The following GMEB1 variants were observed in gnomAD, a reference collection of about 807,000 sequenced individuals.
GMEB1 encodes the protein glucocorticoid modulatory element-binding protein 1.
A neutral mutation model predicts 52.4 loss-of-function variants in GMEB1; 6 were observed. The observed-to-expected ratio is 0.11, with a 90% CI of 0.06 to 0.23. The LOEUF (loss-of-function observed/expected upper bound fraction) is 0.23, where lower values mean the gene tolerates loss of function less well. Among genes scored for constraint, GMEB1 ranks in the 10% least tolerant of loss-of-function variants. The pLI, the probability that GMEB1 is intolerant of heterozygous loss-of-function variation, is 1.00. For synonymous variants in GMEB1, 255 were observed against 244.9 expected, an observed-to-expected ratio of 1.04 and a Z score of -0.38; for missense variants, 486 against 685.6, an observed-to-expected ratio of 0.71 and a Z score of 3.25.
chr1:28,713,160 A>AG (rs1408018517), intron 9 of GMEB1, among the ~76,000 whole-genome samples: 2 of 150,802 alleles, frequency 1.3e-5, no homozygotes, highest in Non-Finnish European at 3.0e-5. Flanking sequence ...TCCATCTCAA[A>AG]AAAAAAAAAA....
At chr1:28,677,191 A>C (rs1368870518) in intron 1 of GMEB1, among the ~76,000 whole-genome samples, 3 of 152,220 alleles carry the variant, frequency 2.0e-5, no homozygotes, top group Non-Finnish European at 4.4e-5. Flanking sequence ...TTAAAAAAAA[A>C]AATCTGAAAT....
intron 5 of GMEB1, 62 bp from the exon 6 acceptor site, chr1:28,696,865 G>T: frequency 7.8e-7 from 1 of 1,284,844 alleles, no homozygotes; most frequent in South Asian, 1.5e-5. Flanking sequence ...TTTTCCCTGA[G>T]GCCTAGTTCC....
At chr1:28,672,000 C>T (rs1056846168) in intron 1 of GMEB1, among the ~76,000 whole-genome samples, 34 of 150,342 alleles carry the variant, frequency 2.3e-4, no homozygotes, top group African/African-American at 8.3e-4. Flanking sequence ...TGCTTGTAAT[C>T]CCAGCTCCTT....
At chr1:28,712,270 C>T (rs1041634650) in intron 9 of GMEB1, among the ~76,000 whole-genome samples, 3 of 152,158 alleles carry the variant, frequency 2.0e-5, no homozygotes, top group Non-Finnish European at 4.4e-5. Flanking sequence ...GTAGTCACGC[C>T]ACTCTCAGGA....
chr1:28,709,576 A>G (rs964587045), intron 8 of GMEB1, among the ~76,000 whole-genome samples: 4 of 151,640 alleles, frequency 2.6e-5, no homozygotes, highest in East Asian at 1.9e-4. Context: ...AAGATATTAA[A>G]AAAAAAAAAT....
At chr1:28,696,044 GTTTGTTTATTTATTTA>G (rs1047672918) in intron 5 of GMEB1, among the ~76,000 whole-genome samples, 7 of 54,674 alleles carry the variant, frequency 1.3e-4, no homozygotes, top group African/African-American at 3.4e-4. Flanking sequence ...TATTTTTATT[GTTTGTTTATTTATTTA>G]TTTATTTATT....
intron 1 of GMEB1, among the ~76,000 whole-genome samples, chr1:28,682,976 G>A (rs1003321742): frequency 6.6e-6 from 1 of 152,180 alleles, no homozygotes; most frequent in Non-Finnish European, 1.5e-5. Flanking sequence ...TAAACTCGAA[G>A]TTGGAAGAGA....
At chr1:28,675,018 C>CTTT (rs1439790151) in intron 1 of GMEB1, among the ~76,000 whole-genome samples, 5 of 81,480 alleles carry the variant, frequency 6.1e-5, no homozygotes, top group Non-Finnish European at 1.2e-4. Context: ...CGCGCCCGGC[C>CTTT]TTTTTTTTTT....
intron 8 of GMEB1, among the ~76,000 whole-genome samples, chr1:28,707,140 G>A (rs1182093234): frequency 6.6e-6 from 1 of 151,150 alleles, no homozygotes; most frequent in South Asian, 2.1e-4. Context: ...CCACCACCAC[G>A]GCCAGCTAAT....
intron 1 of GMEB1, among the ~76,000 whole-genome samples, chr1:28,679,612 T>G (rs1047270685): frequency 2.0e-4 from 30 of 152,150 alleles, no homozygotes; most frequent in African/African-American, 7.0e-4. Flanking sequence ...GAGCAGGTAT[T>G]GTTGCTCCTC....
chr1:28,709,709 C>G (rs1670956333), intron 8 of GMEB1, among the ~76,000 whole-genome samples: 1 of 152,062 alleles, frequency 6.6e-6, no homozygotes, highest in Non-Finnish European at 1.5e-5. Context: ...TCCCATGTAG[C>G]TGGGATTACA....
chr1:28,672,103 A>C, intron 1 of GMEB1, among the ~76,000 whole-genome samples: 1 of 149,836 alleles, frequency 6.7e-6, no homozygotes, highest in African/African-American at 2.5e-5. Flanking sequence ...CAAGAGAGAA[A>C]CTCCGTCTCA....
Position 28,691,699 on chromosome 1 carries a change from A to G in GMEB1, c.326A>G (p.Lys109Arg), listed in dbSNP as rs1407170555. The change falls in exon 4 of 10, where the codon AAG becomes AGG. Residue 109 changes from lysine to arginine, a missense_variant. By Grantham distance (26) the Lys-to-Arg change is conservative. Coordinates refer to ENST00000373816, the MANE Select transcript of GMEB1 (RefSeq NM_001319674.2). ...TTTGTATGTCCAGGAATAAACGTGA[A>G]GTGTGTCAAGGTAATTGTCTTTTCC... ...KKFVCPGINV[K>R]CVKFNDQLIS... The G allele has an allele frequency of 6.5e-7, 1 of 1,545,390 alleles. No homozygotes were observed. The highest frequency in any genetic ancestry group is 8.8e-7 in the Non-Finnish European group (1 of 1,136,908).
At chr1:28,692,047 G>T (rs1480215555) in intron 4 of GMEB1, among the ~76,000 whole-genome samples, 2 of 146,596 alleles carry the variant, frequency 1.4e-5, no homozygotes, top group Non-Finnish European at 3.0e-5. Flanking sequence ...GTGACTTTCT[G>T]TTGCCCAGGC....
chr1:28,679,340 G>A (rs561905659), intron 1 of GMEB1, among the ~76,000 whole-genome samples: 2 of 152,166 alleles, frequency 1.3e-5, no homozygotes, highest in East Asian at 3.9e-4. Context: ...AACACACTTT[G>A]CTAATACTTA....
intron 1 of GMEB1, among the ~76,000 whole-genome samples, chr1:28,673,618 C>T (rs948173499): frequency 3.3e-5 from 5 of 152,176 alleles, no homozygotes; most frequent in Non-Finnish European, 5.9e-5. Context: ...TTTCAGGACA[C>T]ACAAAAATGA....
chr1:28,700,024 C>T (rs1240803119), intron 6 of GMEB1, among the ~76,000 whole-genome samples: 1 of 146,844 alleles, frequency 6.8e-6, no homozygotes, highest in Non-Finnish European at 1.5e-5. Flanking sequence ...CCTCTGCACT[C>T]CAACCTAGGT....
At chr1:28,682,794 A>C (rs1369514663) in intron 1 of GMEB1, among the ~76,000 whole-genome samples, 1 of 152,184 alleles carries the variant, frequency 6.6e-6, no homozygotes, top group African/African-American at 2.4e-5. Context: ...CTGTTTGCAC[A>C]GAAAGTAGAT....
At chr1:28,688,892 G>GTTTTTTTTT (rs1324852304) in intron 2 of GMEB1, among the ~76,000 whole-genome samples, 12 of 97,202 alleles carry the variant, frequency 1.2e-4, no homozygotes, top group Non-Finnish European at 1.3e-4. Flanking sequence ...GGCATTTAAA[G>GTTTTTTTTT]TTTTTTTTTT....
Sources: gnomAD v4.1 joint callset for allele counts (sites outside exome capture counted in the v4.1 genomes callset) on GRCh38, gnomAD v4.1.1 for gene constraint, MANE v1.5 for transcripts, NCBI Gene and HGNC (gene_info 2026-07-23, HGNC 2026-07-21) for gene names.